CSK: variants seen among roughly 807,000 people sequenced by gnomAD.
The protein encoded by CSK is C-terminal Src kinase.
CSK carries 7 observed loss-of-function variants against 62.3 expected under a neutral mutation model. The ratio of observed to expected loss-of-function variants is 0.11; its 90% CI spans 0.06 to 0.21. CSK has a LOEUF of 0.21. CSK is among the 10% of genes least tolerant of loss of function. CSK has a pLI of 1.00. For missense variants in CSK, 294 were observed against 613.5 expected (o/e 0.48, Z 5.50); for synonymous variants, 237 against 246.0 (o/e 0.96, Z 0.34).
At chr15:74,783,009 G>C (rs2063460097) in intron 1 of CSK, among the ~76,000 whole-genome samples, 2 of 152,240 alleles carry the variant, frequency 1.3e-5, no homozygotes, top group Admixed American at 6.5e-5. Context: ...GAGGTGGCTG[G>C]AGTCTGGAGG....
At chr15:74,784,692 A>G (rs1824404026) in intron 1 of CSK, among the ~76,000 whole-genome samples, 1 of 152,196 alleles carries the variant, frequency 6.6e-6, no homozygotes, top group South Asian at 2.1e-4. Flanking sequence ...AATTTCGGGG[A>G]CAGAATGCAG....
intron 5 of CSK, among the ~76,000 whole-genome samples, chr15:74,799,968 C>G (rs368992747): frequency 6.6e-6 from 1 of 152,206 alleles, no homozygotes; most frequent in Non-Finnish European, 1.5e-5. Context: ...CAGGCCAGCT[C>G]TGCCAGCCCT....
chr15:74,802,699 GC>G lies in CSK; in HGVS notation c.*189del. The stretch of plus-strand genomic sequence containing the variant: ...TGGACCCACCTGTGGGGCCTGGGGA[GC>G]CCACTGAGGGGCCAGGGAGGAAGGA... On this transcript the variant is annotated 3_prime_UTR_variant, in exon 13 of 13. Transcript: ENST00000220003. 2.9e-6 allele frequency: 2 copies of G among 680,422 alleles called. No homozygotes were observed. The highest frequency in any genetic ancestry group is 4.5e-6 in the Non-Finnish European group (2 of 443,806). The allele number at this position is 680,422 out of a possible 1,614,324, so 42.1% of individuals were successfully genotyped here. A position where few individuals can be genotyped will look rare whatever the true frequency, so the allele number is the denominator to read the frequency against.
At position 74,801,743 on chromosome 15, in the gene CSK, T is replaced by C; in HGVS notation, c.936T>C (p.His312=). 1 of 1,614,044 alleles carries C rather than the reference T, an allele frequency of 6.2e-7. No individual in the cohort carries two copies. Among genetic ancestry groups the C allele is most frequent in the Non-Finnish European group, 8.5e-7 (1 of 1,179,990 alleles). ...ACCTGGAGGGCAACAATTTCGTGCA[T>C]CGAGACCTGGCTGCCCGCAATGTGC... ...MEYLEGNNFV[H]RDLAARNVLV... is the part of the protein sequence containing the mutation. The change falls in exon 11 of 13, where the codon CAT becomes CAC. Residue 312 remains histidine (H), a synonymous_variant. Transcript: ENST00000220003.
intron 1 of CSK, among the ~76,000 whole-genome samples, chr15:74,786,722 C>G (rs946979962): frequency 6.6e-6 from 1 of 152,096 alleles, no homozygotes; most frequent in Admixed American, 6.5e-5. Context: ...CTACAGCCAC[C>G]CCGTGGGCAG....
chr15:74,801,428 C>T, intron 9 of CSK, 94 bp from the exon 10 acceptor site: 1 of 1,264,998 alleles, frequency 7.9e-7, no homozygotes, highest in Middle Eastern at 2.6e-4. Context: ...TCACACCTCC[C>T]TGGAGTGTCA....
At position 74,798,882 on chromosome 15, in the gene CSK, C is replaced by T. The variant is rs1310389478; in HGVS notation, c.186C>T (p.Ala62=). 3 of 1,552,552 alleles carry T rather than the reference C, an allele frequency of 1.9e-6. No homozygotes were observed. Among genetic ancestry groups the T allele is most frequent in the South Asian group, 1.2e-5 (1 of 80,746 alleles). ...TGGGCCGTGAGGGCATCATCCCAGCCAACTACGTCCAGAAGCGGGAGGGCG... is the reference window on the plus strand; with the variant it reads ...TGGGCCGTGAGGGCATCATCCCAGCTAACTACGTCCAGAAGCGGGAGGGCG... The part of the protein sequence containing the change: ...NKVGREGIIP[A]NYVQKREGVK... The change falls in exon 4 of 13, where the codon GCC becomes GCT. Residue 62 remains alanine (A), a synonymous_variant. Coordinates refer to ENST00000220003, the MANE Select transcript of CSK (RefSeq NM_004383.3). This position sits in a 1 kb window ranked among gnomAD's most constrained non-coding sequence, Gnocchi z 6.6.
At chr15:74,783,371 C>A (rs34398824) in intron 1 of CSK, among the ~76,000 whole-genome samples, 3 of 152,228 alleles carry the variant, frequency 2.0e-5, no homozygotes, top group African/African-American at 7.2e-5. Flanking sequence ...TTCTCCTAGG[C>A]TCTTTGTGGC....
chr15:74,794,779 C>T (rs1226633822), intron 1 of CSK, among the ~76,000 whole-genome samples: 2 of 152,224 alleles, frequency 1.3e-5, no homozygotes, highest in East Asian at 1.9e-4. Flanking sequence ...GCCAGGTGTG[C>T]GGCCTGGAAG....
rs1338069794 is a variant in CSK at position 74,799,288 on chromosome 15, A to G, written c.259A>G (p.Ile87Val). 2 of 1,609,942 alleles carry G rather than the reference A, an allele frequency of 1.2e-6. No individual in the cohort carries two copies. The highest frequency in any genetic ancestry group is 1.7e-6 in the Non-Finnish European group (2 of 1,179,014). Residue 87 changes from isoleucine to valine, a missense_variant, in exon 5 of 13, where the codon ATC becomes GTC. Ile to Val is a conservative substitution (Grantham distance 29, BLOSUM62 3). This residue lies in a region of CSK where 202 missense variants were observed against 415.7 expected (regional missense o/e 0.49). Coordinates refer to ENST00000220003, the MANE Select transcript of CSK (RefSeq NM_004383.3). ...GCTCCCCAGTTGGTTCCACGGCAAG[A>G]TCACACGGGAGCAGGCTGAGCGGCT... is the stretch of plus-strand genomic sequence containing the variant. ...LSLMPWFHGK[I>V]TREQAERLLY... is the part of the protein sequence containing the mutation.
rs1488144604 is a variant in CSK at position 74,798,809 on chromosome 15, G to C, written c.130-17G>C. 1 of 1,604,214 alleles carries C rather than the reference G, an allele frequency of 6.2e-7. No individual in the cohort carries two copies. The highest frequency in any genetic ancestry group is 8.5e-7 in the Non-Finnish European group (1 of 1,173,990). On this transcript the variant is annotated splice_polypyrimidine_tract_variant and intron_variant, in intron 3 of 12. Coordinates refer to ENST00000220003, the MANE Select transcript of CSK (RefSeq NM_004383.3). This position sits in a 1 kb window ranked among gnomAD's most constrained non-coding sequence, Gnocchi z 6.6. ...GGAGGTGGGCCTGAGAGCATGTCTG[G>C]GCTGCCCTCTCCCCAGGACCCCAAC...
chr15:74,802,201 G>C, intron 12 of CSK, 118 bp downstream of exon 12: 2 of 1,399,748 alleles, frequency 1.4e-6, no homozygotes, highest in Non-Finnish European at 1.9e-6. Context: ...GGCCTGCCCT[G>C]GGGAGCTCAC....
Position 74,782,109 on chromosome 15 carries a change from C to T in CSK, c.-677C>T, listed in dbSNP as rs1387992697. The T allele has an allele frequency of 6.7e-6, 1 of 148,166 alleles. No individual in the cohort carries two copies. Among genetic ancestry groups the T allele is most frequent in the East Asian group, 1.9e-4 (1 of 5,130 alleles). 9.2% of individuals were successfully genotyped at this position (148,166 alleles called of 1,614,324 possible). A position where few individuals can be genotyped will look rare whatever the true frequency, so the allele number is the denominator to read the frequency against. On this transcript the variant is annotated 5_prime_UTR_variant, in exon 1 of 13. Coordinates refer to ENST00000220003, the MANE Select transcript of CSK (RefSeq NM_004383.3). This position sits in a 1 kb window ranked among gnomAD's most constrained non-coding sequence, Gnocchi z 5.7. ...CCGGGCCGCGCTTCCTCTCGCCAGG[C>T]CTGCGAGCTTCCTCCCAGCGGAGCC...
At chr15:74,797,460 G>A (rs1308635169) in intron 1 of CSK, among the ~76,000 whole-genome samples, 1 of 152,168 alleles carries the variant, frequency 6.6e-6, no homozygotes, top group Non-Finnish European at 1.5e-5. Context: ...GGAGGTGGAG[G>A]TTGCAATGAG....
At chr15:74,799,595 G>A in intron 5 of CSK, 104 bp downstream of exon 5, 1 of 1,180,296 alleles carries the variant, frequency 8.5e-7, no homozygotes. Context: ...GTGGTGACCA[G>A]CCATGTGGGG....
At position 74,801,842 on chromosome 15, in the gene CSK, G is replaced by A. The variant is rs750407999; in HGVS notation, c.1035G>A (p.Thr345=). 1.5e-5 allele frequency: 24 copies of A among 1,613,482 alleles called. No individual in the cohort carries two copies. The highest frequency in any genetic ancestry group is 1.9e-5 in the Non-Finnish European group (23 of 1,179,808). ...AGGAGGCGTCCAGCACCCAGGACAC[G>A]GGCAAGCTGCCAGTCAAGTGGACAG... ...LTKEASSTQD[T]GKLPVKWTAP... is the part of the protein sequence containing the mutation. Residue 345 remains threonine (T), a synonymous_variant, in exon 11 of 13, where the codon ACG becomes ACA. Coordinates refer to ENST00000220003, the MANE Select transcript of CSK (RefSeq NM_004383.3).
Position 74,782,981 on chromosome 15 carries a change from C to G in CSK, c.-66+261C>G, listed in dbSNP as rs150636028. The stretch of plus-strand genomic sequence containing the variant: ...CTCGGGTCATCCCGAGTCCCCCCCT[C>G]TGTGGAGCTCAGAGTAGGAGGTGGC... On this transcript the variant is annotated intron_variant, in intron 1 of 12. Coordinates refer to ENST00000220003, the MANE Select transcript of CSK (RefSeq NM_004383.3). The surrounding 1 kb of genome is among the most constrained non-coding windows in gnomAD (Gnocchi z 5.7). 2.3e-4 allele frequency among the ~76,000 whole-genome samples: 35 copies of G among 152,378 alleles called. No individual in the cohort carries two copies. The East Asian group carries it at 6.2e-3, about 27-fold the overall frequency.
chr15:74,786,000 C>CTTTTTTTTTTTTTTTTTTTTTTTTTTTTT lies in CSK; in HGVS notation c.-66+3281_-66+3282insTTTTTTTTTTTTTTTTTTTTTTTTTTTTT, dbSNP rs1232728038. 3.3e-5 allele frequency among the ~76,000 whole-genome samples: 2 copies of CTTTTTTTTTTTTTTTTTTTTTTTTTTTTT among 59,938 alleles called. 1 individual carries two copies. The highest frequency in any genetic ancestry group is 7.3e-5 in the Non-Finnish European group (2 of 27,462). 39.3% of individuals were successfully genotyped at this position (59,938 alleles called of 152,430 possible). A position where few individuals can be genotyped will look rare whatever the true frequency, so the allele number is the denominator to read the frequency against. On this transcript the variant is annotated intron_variant, in intron 1 of 12. Coordinates refer to ENST00000220003, the MANE Select transcript of CSK (RefSeq NM_004383.3). Reference sequence around the variant, plus strand: ...CAAGGCCTCTTCTCTCTCTCTCTCTCTCTTTTTTTTTTTTGTGTGTGTGTG... The same window carrying CTTTTTTTTTTTTTTTTTTTTTTTTTTTTT: ...CAAGGCCTCTTCTCTCTCTCTCTCTCTTTTTTTTTTTTTTTTTTTTTTTTTTTTTTCTTTTTTTTTTTTGTGTGTGTGTG...
chr15:74,784,404 T>C (rs1440742060), intron 1 of CSK, among the ~76,000 whole-genome samples: 1 of 151,888 alleles, frequency 6.6e-6, no homozygotes, highest in Non-Finnish European at 1.5e-5. Context: ...ATTTTTATTT[T>C]ATTTTATTTT....
Sources: allele counts gnomAD v4.1 joint callset (sites outside exome capture counted in the v4.1 genomes callset), GRCh38; gene constraint gnomAD v4.1.1; regional missense constraint gnomAD v4.1.1; non-coding constraint Gnocchi (gnomAD v3.1); transcripts MANE v1.5; gene names NCBI Gene and HGNC (gene_info 2026-07-23, HGNC 2026-07-21).